Variants in EYS observed in about 807,000 individuals in gnomAD.
EYS encodes EGF-like photoreceptor maintenance factor, also known as protein eyes shut homolog.
In EYS, 250 loss-of-function variants were observed where a neutral mutation model predicts 282.1. The observed-to-expected ratio is 0.89, with a 90% CI of 0.80 to 0.98. EYS has a LOEUF of 0.98. Ranked by LOEUF, EYS falls within the 50% of genes least tolerant of loss-of-function variation. The pLI is 0.00. For synonymous variants in EYS, 1,355 were observed against 1,282.9 expected (o/e 1.06, Z -1.20); for missense variants, 4,016 against 3,709.0 (o/e 1.08, Z -2.15).
At chr6:64,372,153 T>G (rs938633284) in intron 29 of EYS, among the ~76,000 whole-genome samples, 7 of 78,422 alleles carry the variant, frequency 8.9e-5, no homozygotes, top group Non-Finnish European at 2.1e-4. Context: ...TTTTTTTTTT[T>G]TTTTTTTGTA....
intron 22 of EYS, among the ~76,000 whole-genome samples, chr6:64,690,628 C>T (rs1433861883): frequency 2.0e-5 from 3 of 152,068 alleles, no homozygotes; most frequent in African/African-American, 7.2e-5. Context: ...CACAAATATA[C>T]AACATGGAAT....
intron 8 of EYS, among the ~76,000 whole-genome samples, chr6:65,357,542 T>A (rs1764535461): frequency 6.6e-6 from 1 of 152,028 alleles, no homozygotes; most frequent in Non-Finnish European, 1.5e-5. Context: ...AATTTTATAC[T>A]GGTAGATTCA....
At chr6:64,237,106 T>G (rs1325500090) in intron 30 of EYS, among the ~76,000 whole-genome samples, 1 of 152,136 alleles carries the variant, frequency 6.6e-6, no homozygotes, top group Non-Finnish European at 1.5e-5. Context: ...TACCAATAAT[T>G]TCTTTATCAA....
intron 31 of EYS, among the ~76,000 whole-genome samples, chr6:64,109,612 C>T (rs147610919): frequency 1.7e-3 from 256 of 152,186 alleles, no homozygotes; most frequent in African/African-American, 5.7e-3. Flanking sequence ...CATGAGTATA[C>T]TATTTCACTA....
chr6:65,348,891 T>C (rs527522525), intron 9 of EYS, among the ~76,000 whole-genome samples: 1 of 151,858 alleles, frequency 6.6e-6, no homozygotes, highest in South Asian at 2.1e-4. Flanking sequence ...GCTTTTTGTA[T>C]ATGGTGAGAG....
intron 1 of EYS, among the ~76,000 whole-genome samples, chr6:65,649,372 A>AACAC (rs150768155): frequency 1.3e-5 from 2 of 150,988 alleles, no homozygotes; most frequent in Non-Finnish European, 3.0e-5. Flanking sequence ...CCAATCTTAA[A>AACAC]ACACACACAC....
chr6:64,935,462 A>G (rs1037909477), intron 15 of EYS, among the ~76,000 whole-genome samples: 2 of 151,832 alleles, frequency 1.3e-5, no homozygotes, highest in African/African-American at 4.8e-5. Context: ...AGGAGAACAT[A>G]ATGAAAATTA....
chr6:64,798,448 T>C (rs1026600954), intron 22 of EYS, among the ~76,000 whole-genome samples: 10 of 152,022 alleles, frequency 6.6e-5, no homozygotes, highest in African/African-American at 2.4e-4. Context: ...TCTTGAAATG[T>C]GATTAGATTA....
chr6:64,327,429 T>C (rs1770468717), intron 29 of EYS, among the ~76,000 whole-genome samples: 1 of 152,140 alleles, frequency 6.6e-6, no homozygotes. Context: ...TTATGCTAAC[T>C]CCACAGAAAC....
chr6:64,176,797 T>C (rs1259387871), intron 31 of EYS, among the ~76,000 whole-genome samples: 1 of 152,118 alleles, frequency 6.6e-6, no homozygotes, highest in Admixed American at 6.6e-5. Context: ...TTTCAAATTG[T>C]TTGAGGTTCT....
At chr6:64,432,377 A>G (rs1436253031) in intron 28 of EYS, among the ~76,000 whole-genome samples, 1 of 152,014 alleles carries the variant, frequency 6.6e-6, no homozygotes, top group Non-Finnish European at 1.5e-5. Context: ...TTAGGAGGTC[A>G]GAAAAGCCTA....
At chr6:65,056,193 T>C (rs527604253) in intron 13 of EYS, among the ~76,000 whole-genome samples, 1 of 152,064 alleles carries the variant, frequency 6.6e-6, no homozygotes, top group Non-Finnish European at 1.5e-5. Context: ...CTCCTTCCAT[T>C]GGCTCGCTTT....
chr6:65,355,354 T>G (rs1286647391), intron 8 of EYS, among the ~76,000 whole-genome samples: 1 of 151,878 alleles, frequency 6.6e-6, no homozygotes. Context: ...CCCCCAAAAG[T>G]ATTGAAATAA....
chr6:63,807,197 G>T (rs1408962744), intron 36 of EYS, among the ~76,000 whole-genome samples: 1 of 152,112 alleles, frequency 6.6e-6, no homozygotes, highest in Non-Finnish European at 1.5e-5. Flanking sequence ...ATAGAAAGGG[G>T]ATTTTGACAC....
chr6:64,842,949 G>A (rs1765608930), intron 19 of EYS, among the ~76,000 whole-genome samples: 1 of 152,088 alleles, frequency 6.6e-6, no homozygotes, highest in African/African-American at 2.4e-5. Flanking sequence ...AAGTAACAAG[G>A]AGCAGAATGT....
At chr6:65,048,297 C>A (rs1263032207) in intron 13 of EYS, among the ~76,000 whole-genome samples, 2 of 151,866 alleles carry the variant, frequency 1.3e-5, no homozygotes, top group Non-Finnish European at 2.9e-5. Context: ...TCATCAATGA[C>A]TAAACTCCAC....
chr6:65,019,263 C>T (rs1040670727), intron 13 of EYS, among the ~76,000 whole-genome samples: 22 of 152,142 alleles, frequency 1.4e-4, no homozygotes, highest in African/African-American at 4.8e-4. Flanking sequence ...TTTTTTCTCA[C>T]GTTTCTAAAA....
intron 31 of EYS, among the ~76,000 whole-genome samples, chr6:64,206,339 G>A (rs1367383064): frequency 6.6e-6 from 1 of 151,936 alleles, no homozygotes; most frequent in African/African-American, 2.4e-5. Context: ...AAATATTAGA[G>A]GACTTCACTG....
intron 5 of EYS, among the ~76,000 whole-genome samples, chr6:65,416,494 T>A (rs1475424942): frequency 6.6e-6 from 1 of 151,976 alleles, no homozygotes; most frequent in Non-Finnish European, 1.5e-5. Flanking sequence ...GCTATTAAAA[T>A]TATCTAAGTA....
Sources: allele counts gnomAD v4.1 joint callset (sites outside exome capture counted in the v4.1 genomes callset), GRCh38; gene constraint gnomAD v4.1.1; transcripts MANE v1.5; gene names NCBI Gene and HGNC (gene_info 2026-07-23, HGNC 2026-07-21).